The following CAMK2D variants were observed in gnomAD, a reference collection of about 807,000 sequenced individuals.
CAMK2D encodes the protein calcium/calmodulin dependent protein kinase II delta.
CAMK2D carries 37 observed loss-of-function variants against 84.0 expected under a neutral mutation model. The observed-to-expected ratio is 0.44, with a 90% CI of 0.34 to 0.58. CAMK2D has a LOEUF of 0.58. Among genes scored for constraint, CAMK2D ranks in the 20% least tolerant of loss-of-function variants. The pLI is 0.02. For synonymous variants in CAMK2D, 202 were observed against 212.5 expected, an observed-to-expected ratio of 0.95 and a Z score of 0.43; for missense variants, 448 against 652.5, an observed-to-expected ratio of 0.69 and a Z score of 3.41.
At chr4:113,535,942 T>C (rs545699912) in intron 7 of CAMK2D, among the ~76,000 whole-genome samples, 1 of 152,346 alleles carries the variant, frequency 6.6e-6, no homozygotes, top group Admixed American at 6.5e-5. Context: ...TATGTATCTC[T>C]AGTATTTGCT....
chr4:113,714,702 C>A (rs1038405357), intron 2 of CAMK2D, among the ~76,000 whole-genome samples: 8 of 152,142 alleles, frequency 5.3e-5, no homozygotes, highest in Admixed American at 1.3e-4. Context: ...CACTTTTCTA[C>A]AATTGCCACT....
Position 113,761,356 on chromosome 4 carries a change from C to A in CAMK2D, c.-288G>T. ...CGCTCCACCCGCCCCTTTTCCAGTCCCTGTCCCCAAATGCAGGGGGTAAAG... is the reference window on the plus strand; with the variant it reads ...CGCTCCACCCGCCCCTTTTCCAGTCACTGTCCCCAAATGCAGGGGGTAAAG... On this transcript the variant is annotated 5_prime_UTR_variant, in exon 1 of 21. Transcript: ENST00000511664. 1 of 1,371,240 alleles carries A rather than the reference C, an allele frequency of 7.3e-7. No homozygotes were observed. The highest frequency in any genetic ancestry group is 9.4e-7 in the Non-Finnish European group (1 of 1,059,332). 84.9% of individuals were successfully genotyped at this position (1,371,240 alleles called of 1,614,324 possible).
At chr4:113,634,131 C>T (rs182371060) in intron 3 of CAMK2D, among the ~76,000 whole-genome samples, 3 of 152,334 alleles carry the variant, frequency 2.0e-5, no homozygotes, top group Non-Finnish European at 2.9e-5. Flanking sequence ...ATTTCCCAAC[C>T]TTCCAGGCTG....
chr4:113,540,931 T>C (rs1462472807), intron 6 of CAMK2D, among the ~76,000 whole-genome samples: 1 of 152,186 alleles, frequency 6.6e-6, no homozygotes, highest in Admixed American at 6.5e-5. Flanking sequence ...TACACATAGG[T>C]TCCTTCCCCA....
chr4:113,464,271 C>T (rs2097429460), intron 17 of CAMK2D, among the ~76,000 whole-genome samples: 1 of 152,168 alleles, frequency 6.6e-6, no homozygotes, highest in South Asian at 2.1e-4. Flanking sequence ...ATTTATATTT[C>T]CTCCTCTGAT....
intron 3 of CAMK2D, among the ~76,000 whole-genome samples, chr4:113,629,832 CTAT>C (rs1401956381): frequency 1.3e-5 from 2 of 150,114 alleles, no homozygotes; most frequent in African/African-American, 4.9e-5. Flanking sequence ...ATTCTCCATT[CTAT>C]TATTTTATTG....
intron 3 of CAMK2D, among the ~76,000 whole-genome samples, chr4:113,613,641 T>C (rs1344054587): frequency 1.3e-5 from 2 of 152,106 alleles, no homozygotes; most frequent in Admixed American, 1.3e-4. Context: ...ATACAGTTCC[T>C]AAAGCCCCAG....
At chr4:113,620,739 C>T (rs2154276935) in intron 3 of CAMK2D, among the ~76,000 whole-genome samples, 1 of 152,230 alleles carries the variant, frequency 6.6e-6, no homozygotes, top group African/African-American at 2.4e-5. Flanking sequence ...ATCTCTTGAC[C>T]TTGTGATCTG....
intron 2 of CAMK2D, among the ~76,000 whole-genome samples, chr4:113,720,007 C>T (rs1454300267): frequency 2.0e-5 from 3 of 152,052 alleles, no homozygotes; most frequent in Non-Finnish European, 4.4e-5. Context: ...AAATTATATT[C>T]TAAGGATCAC....
intron 4 of CAMK2D, among the ~76,000 whole-genome samples, chr4:113,563,737 A>G (rs1473394107): frequency 6.6e-6 from 1 of 152,204 alleles, no homozygotes; most frequent in Non-Finnish European, 1.5e-5. Flanking sequence ...TCACCTGGAG[A>G]CTATCTATTT....
chr4:113,535,691 C>G (rs188076655), intron 7 of CAMK2D, among the ~76,000 whole-genome samples: 1 of 152,318 alleles, frequency 6.6e-6, no homozygotes, highest in East Asian at 1.9e-4. Context: ...GCAGATCCCT[C>G]TGTCTGGAAT....
intron 3 of CAMK2D, among the ~76,000 whole-genome samples, chr4:113,651,306 T>C (rs1235366243): frequency 6.6e-6 from 1 of 152,168 alleles, no homozygotes; most frequent in Non-Finnish European, 1.5e-5. Flanking sequence ...GTTAAACTGA[T>C]GTACTATAAA....
intron 2 of CAMK2D, among the ~76,000 whole-genome samples, chr4:113,692,776 T>C (rs2099391871): frequency 6.6e-6 from 1 of 151,244 alleles, no homozygotes; most frequent in African/African-American, 2.4e-5. Context: ...TCAGTGTATA[T>C]ATCTGTGTGT....
intron 2 of CAMK2D, among the ~76,000 whole-genome samples, chr4:113,722,741 T>G (rs567610549): frequency 2.6e-5 from 4 of 151,928 alleles, no homozygotes; most frequent in Non-Finnish European, 5.9e-5. Context: ...CTCTGCAGAG[T>G]TGAAACCTAG....
chr4:113,581,665 C>T (rs728060), intron 4 of CAMK2D, among the ~76,000 whole-genome samples: 110,029 of 151,882 alleles, frequency 0.72, 40,135 homozygotes, highest in Middle Eastern at 0.78. Context: ...CCCAGACTTC[C>T]GTAAGATTAT....
chr4:113,588,982 C>G (rs1211712422), intron 4 of CAMK2D, among the ~76,000 whole-genome samples: 1 of 152,022 alleles, frequency 6.6e-6, no homozygotes, highest in Non-Finnish European at 1.5e-5. Flanking sequence ...CTCTGTGAGC[C>G]AAGCTCTGAG....
chr4:113,562,636 A>T lies in CAMK2D; in HGVS notation c.276-10540T>A, dbSNP rs148165675. Among the ~76,000 whole-genome samples, 68 of 152,336 alleles carry T rather than the reference A, an allele frequency of 4.5e-4. 2 individuals carry two copies. The East Asian group carries it at 0.01, about 22-fold the overall frequency. ...TTAACTGCAGCCTACAAAGATCTAT[A>T]CAGCCTTACATTGCTTCCATTTTTA... is the stretch of plus-strand genomic sequence containing the variant. On this transcript the variant is annotated intron_variant, in intron 4 of 20. Transcript: ENST00000511664.
intron 3 of CAMK2D, among the ~76,000 whole-genome samples, chr4:113,659,384 A>G (rs1245614274): frequency 6.6e-6 from 1 of 152,166 alleles, no homozygotes; most frequent in Non-Finnish European, 1.5e-5. Flanking sequence ...TCCTCCCCAA[A>G]TTCCTATGTT....
At chr4:113,663,015 C>T (rs1189639022) in intron 2 of CAMK2D, among the ~76,000 whole-genome samples, 2 of 152,090 alleles carry the variant, frequency 1.3e-5, no homozygotes, top group Non-Finnish European at 2.9e-5. Flanking sequence ...AATAAATCAG[C>T]CCAGCATTAG....
Sources: gnomAD v4.1 joint callset for allele counts (sites outside exome capture counted in the v4.1 genomes callset) on GRCh38, gnomAD v4.1.1 for gene constraint, MANE v1.5 for transcripts, NCBI Gene and HGNC (gene_info 2026-07-23, HGNC 2026-07-21) for gene names.